MDGA2: variants seen among roughly 807,000 people sequenced by gnomAD.
MDGA2 encodes the protein MAM domain containing glycosylphosphatidylinositol anchor 2.
In MDGA2, 40 loss-of-function variants were observed where a neutral mutation model predicts 117.8. That is an observed-to-expected ratio of 0.34 (90% CI 0.26 to 0.44). MDGA2 has a LOEUF of 0.44. Ranked by LOEUF, MDGA2 falls within the 20% of genes least tolerant of loss-of-function variation. MDGA2 has a pLI of 1.00. For synonymous variants in MDGA2, 452 were observed against 439.0 expected, an observed-to-expected ratio of 1.03 and a Z score of -0.37; for missense variants, 1,123 against 1,250.6, an observed-to-expected ratio of 0.90 and a Z score of 1.54.
intron 1 of MDGA2, among the ~76,000 whole-genome samples, chr14:47,354,178 C>T (rs989112653): frequency 1.3e-5 from 2 of 152,174 alleles, no homozygotes; most frequent in South Asian, 2.1e-4. Context: ...ATGAAAAGCC[C>T]GCAGCTAACA....
At chr14:47,223,729 G>A (rs1886380004) in intron 2 of MDGA2, among the ~76,000 whole-genome samples, 1 of 152,126 alleles carries the variant, frequency 6.6e-6, no homozygotes, top group Non-Finnish European at 1.5e-5. Flanking sequence ...TATTGTATTA[G>A]TCCGTTCTCA....
chr14:47,124,946 T>G (rs1023309729), intron 5 of MDGA2, among the ~76,000 whole-genome samples: 3 of 152,196 alleles, frequency 2.0e-5, no homozygotes, highest in African/African-American at 7.2e-5. Flanking sequence ...TCACTCAGTC[T>G]GTGGTGCTCT....
Position 47,470,272 on chromosome 14 carries a change from C to G in MDGA2, c.281-168722G>C, listed in dbSNP as rs1425798609. On this transcript the variant is annotated intron_variant, in intron 1 of 16. Transcript: ENST00000399232. Reference sequence around the variant, plus strand: ...AATACTATCCTTCCCCCAGCCCCCCCACCCCATGAGAGGCCCCACTGTGTG... The same window carrying G: ...AATACTATCCTTCCCCCAGCCCCCCGACCCCATGAGAGGCCCCACTGTGTG... 6.7e-5 allele frequency among the ~76,000 whole-genome samples: 6 copies of G among 89,648 alleles called. 1 individual carries two copies. The South Asian group carries it at 2.3e-3, about 35-fold the overall frequency. 58.8% of individuals were successfully genotyped at this position (89,648 alleles called of 152,430 possible).
chr14:47,117,004 T>C (rs28846798), intron 5 of MDGA2, among the ~76,000 whole-genome samples: 22,290 of 151,062 alleles, frequency 0.15, 1,792 homozygotes, highest in Non-Finnish European at 0.18. Context: ...ATGCAAACCA[T>C]ATATCCAATT....
chr14:47,488,510 A>G (rs1894104856), intron 1 of MDGA2, among the ~76,000 whole-genome samples: 1 of 152,188 alleles, frequency 6.6e-6, no homozygotes, highest in Non-Finnish European at 1.5e-5. Flanking sequence ...AACAATGATT[A>G]GCATAATAGA....
chr14:46,883,200 T>C (rs73252354), intron 10 of MDGA2, among the ~76,000 whole-genome samples: 3,116 of 152,176 alleles, frequency 0.02, 105 homozygotes, highest in African/African-American at 0.07. Flanking sequence ...AGTTTTAACA[T>C]ACAATATTGT....
At chr14:47,428,124 T>G (rs558968739) in intron 1 of MDGA2, among the ~76,000 whole-genome samples, 10 of 152,278 alleles carry the variant, frequency 6.6e-5, no homozygotes, top group Non-Finnish European at 1.0e-4. Flanking sequence ...ATCATTATAT[T>G]CTTTATCCCA....
chr14:47,651,577 G>GTT (rs36062266), intron 1 of MDGA2, among the ~76,000 whole-genome samples: 1 of 150,864 alleles, frequency 6.6e-6, no homozygotes, highest in Non-Finnish European at 1.5e-5. Context: ...GTAATCTGCT[G>GTT]TTTTTTTTTA....
At chr14:46,951,637 G>C (rs1366163303) in intron 9 of MDGA2, among the ~76,000 whole-genome samples, 2 of 151,816 alleles carry the variant, frequency 1.3e-5, no homozygotes, top group African/African-American at 2.4e-5. Flanking sequence ...CAAATAACCA[G>C]CAAATACCAG....
chr14:47,159,192 G>A (rs1446214402), intron 3 of MDGA2, among the ~76,000 whole-genome samples: 1 of 152,100 alleles, frequency 6.6e-6, no homozygotes, highest in Non-Finnish European at 1.5e-5. Context: ...CTATGGACTT[G>A]GGTGATAATG....
At chr14:46,886,428 A>T (rs1050161870) in intron 10 of MDGA2, among the ~76,000 whole-genome samples, 4 of 152,112 alleles carry the variant, frequency 2.6e-5, no homozygotes, top group Non-Finnish European at 4.4e-5. Context: ...GTTTTAAACT[A>T]TGCATTTTAA....
intron 1 of MDGA2, among the ~76,000 whole-genome samples, chr14:47,301,852 CCTTT>C (rs1290820887): frequency 6.6e-6 from 1 of 152,108 alleles, no homozygotes. Flanking sequence ...AAGGTCCCTT[CCTTT>C]CTGAGTTCAA....
At chr14:46,928,198 T>C (rs7142525) in intron 9 of MDGA2, among the ~76,000 whole-genome samples, 5,564 of 152,198 alleles carry the variant, frequency 0.037, 362 homozygotes, top group African/African-American at 0.13. Flanking sequence ...GGAAAACTTT[T>C]TTATGAAAAT....
chr14:47,232,017 TAC>T (rs1886709633), intron 2 of MDGA2, among the ~76,000 whole-genome samples: 2 of 152,216 alleles, frequency 1.3e-5, no homozygotes, highest in South Asian at 2.1e-4. Context: ...GACCACAGGA[TAC>T]AGTTTCCTGG....
At chr14:47,672,001 T>A (rs1039393465) in intron 1 of MDGA2, among the ~76,000 whole-genome samples, 2 of 152,078 alleles carry the variant, frequency 1.3e-5, no homozygotes, top group Non-Finnish European at 2.9e-5. Context: ...TCACTCGAGG[T>A]GATGAACACA....
chr14:47,493,117 T>C (rs1328594639), intron 1 of MDGA2, among the ~76,000 whole-genome samples: 1 of 151,886 alleles, frequency 6.6e-6, no homozygotes, highest in African/African-American at 2.4e-5. Flanking sequence ...TTGTTAATTC[T>C]ACATTTTAAA....
At chr14:47,221,075 G>T (rs1330048658) in intron 2 of MDGA2, among the ~76,000 whole-genome samples, 3 of 152,104 alleles carry the variant, frequency 2.0e-5, no homozygotes, top group African/African-American at 4.8e-5. Flanking sequence ...GAATAAGGAG[G>T]ATTTCCTTGG....
At chr14:47,520,011 C>A (rs188515827) in intron 1 of MDGA2, among the ~76,000 whole-genome samples, 26 of 152,256 alleles carry the variant, frequency 1.7e-4, no homozygotes, top group African/African-American at 5.8e-4. Flanking sequence ...TATTTTGGAA[C>A]AACCTCATAT....
chr14:46,911,255 T>G (rs993847753), intron 10 of MDGA2, among the ~76,000 whole-genome samples: 1 of 152,230 alleles, frequency 6.6e-6, no homozygotes, highest in Non-Finnish European at 1.5e-5. Context: ...TTCCAAAACT[T>G]GAAGTCTGAT....
Sources: allele counts gnomAD v4.1 joint callset (sites outside exome capture counted in the v4.1 genomes callset), GRCh38; gene constraint gnomAD v4.1.1; transcripts MANE v1.5; gene names NCBI Gene and HGNC (gene_info 2026-07-23, HGNC 2026-07-21).